Variants in ZNF800 observed in about 807,000 individuals in gnomAD.
ZNF800 encodes the protein zinc finger protein 800.
In ZNF800, 13 loss-of-function variants were observed where a neutral mutation model predicts 59.5. The observed-to-expected ratio is 0.22, with a 90% CI of 0.14 to 0.35. The LOEUF is 0.35. Ranked by LOEUF, ZNF800 falls within the 10% of genes least tolerant of loss-of-function variation. ZNF800 has a pLI of 1.00. For missense variants in ZNF800, 621 were observed against 783.7 expected (o/e 0.79, Z 2.48); for synonymous variants, 266 against 265.7 (o/e 1.00, Z -0.01).
chr7:127,358,373 T>C (rs1055760197), intron 1 of ZNF800, among the ~76,000 whole-genome samples: 3 of 152,008 alleles, frequency 2.0e-5, no homozygotes, highest in African/African-American at 7.2e-5. Flanking sequence ...AACCCGAATT[T>C]ACGTCCTATC....
At chr7:127,387,473 C>A (rs1279664882) in intron 2 of ZNF800, among the ~76,000 whole-genome samples, 1 of 152,188 alleles carries the variant, frequency 6.6e-6, no homozygotes, top group Admixed American at 6.5e-5. Flanking sequence ...CTTAGATTCT[C>A]CTTTATGCTT....
intron 5 of ZNF800, chr7:127,372,799 T>C: frequency 1.0e-6 from 1 of 985,424 alleles, no homozygotes; most frequent in Non-Finnish European, 1.2e-6. Context: ...TGCTAATCAT[T>C]TTTAATTCAA....
chr7:127,386,575 T>C (rs1439778132), intron 2 of ZNF800, among the ~76,000 whole-genome samples: 1 of 152,232 alleles, frequency 6.6e-6, no homozygotes, highest in East Asian at 1.9e-4. Flanking sequence ...CTCTGGATAA[T>C]CTGGTATAAC....
intron 4 of ZNF800, 101 bp from the exon 5 acceptor site, chr7:127,375,135 T>C (rs1800755785): frequency 1.1e-6 from 1 of 932,768 alleles, no homozygotes; most frequent in Admixed American, 2.7e-5. Context: ...GAATATATCA[T>C]ATTACCAGTT....
At chr7:127,386,502 A>G (rs1322462707) in intron 2 of ZNF800, among the ~76,000 whole-genome samples, 3 of 152,230 alleles carry the variant, frequency 2.0e-5, no homozygotes, top group African/African-American at 7.2e-5. Context: ...AGGAACCACT[A>G]TATTTAATCA....
At chr7:127,346,059 G>A (rs1416004998), downstream of ZNF800, among the ~76,000 whole-genome samples, 2 of 152,152 alleles carry the variant, frequency 1.3e-5, no homozygotes, top group Admixed American at 6.5e-5. Flanking sequence ...AAAAGGCAAG[G>A]GGGCTGGGAT....
intron 1 of ZNF800, chr7:127,360,640 T>C (rs1291200379): frequency 2.6e-5 from 4 of 151,988 alleles, no homozygotes; most frequent in Non-Finnish European, 5.9e-5. Flanking sequence ...TTTTTTTTTG[T>C]TAACATGGTA....
rs780801823 is a variant in ZNF800, at chr7:127,377,376, A to G, written c.158-47T>C. On this transcript the variant is annotated intron_variant, in intron 3 of 5. Transcript: ENST00000265827. This position sits in a 1 kb window ranked among gnomAD's most constrained non-coding sequence, Gnocchi z 4.7. ...AAACTTAACACAAAAGGTAACTTTA[A>G]CATGCACTTTTAAACTGGACAACCA... The G allele has an allele frequency of 1.3e-6, 2 of 1,523,768 alleles. No individual in the cohort carries two copies. Among genetic ancestry groups the G allele is most frequent in the South Asian group, 2.4e-5 (2 of 83,194 alleles). 94.4% of individuals were successfully genotyped at this position (1,523,768 alleles called of 1,614,324 possible). A position where few individuals can be genotyped will look rare whatever the true frequency, so the allele number is the denominator to read the frequency against.
intron 1 of ZNF800, chr7:127,363,199 T>C (rs1056246973): frequency 6.6e-6 from 1 of 152,060 alleles, no homozygotes; most frequent in African/African-American, 2.4e-5. Context: ...GACACATTCA[T>C]GTGGAGATGT....
At chr7:127,380,612 C>T (rs1195259472) in intron 3 of ZNF800, among the ~76,000 whole-genome samples, 2 of 152,188 alleles carry the variant, frequency 1.3e-5, no homozygotes, top group Admixed American at 1.3e-4. Flanking sequence ...TGCTCACTTA[C>T]AATTGGACAC....
chr7:127,369,508 TAAG>T (rs1274178343), downstream of ZNF800, among the ~76,000 whole-genome samples: 1 of 152,154 alleles, frequency 6.6e-6, no homozygotes, highest in Non-Finnish European at 1.5e-5. Context: ...CAGAAAGGAA[TAAG>T]AAGAACAATA....
Position 127,392,257 on chromosome 7 carries a change from A to C in ZNF800, c.-256T>G, listed in dbSNP as rs1352496267. On this transcript the variant is annotated 5_prime_UTR_variant, in exon 1 of 6. Transcript: ENST00000265827. The stretch of plus-strand genomic sequence containing the variant: ...CGCTGACGCGGAAGCGCCACAGCTC[A>C]CCACGTCCCTCCGCGGGCCGAGACG... The C allele has an allele frequency of 2.5e-6, 1 of 393,056 alleles. No homozygotes were observed. Among genetic ancestry groups the C allele is most frequent in the East Asian group, 3.6e-5 (1 of 27,696 alleles). The allele number at this position is 393,056 out of a possible 1,614,324, so 24.3% of individuals were successfully genotyped here. A position where few individuals can be genotyped will look rare whatever the true frequency, so the allele number is the denominator to read the frequency against.
At chr7:127,382,164 A>T (rs1800996846) in intron 3 of ZNF800, among the ~76,000 whole-genome samples, 1 of 152,192 alleles carries the variant, frequency 6.6e-6, no homozygotes, top group African/African-American at 2.4e-5. Flanking sequence ...ATATTTCAAG[A>T]ACTTAAAAAG....
chr7:127,358,697 T>C (rs1800331283), intron 1 of ZNF800, among the ~76,000 whole-genome samples: 1 of 152,124 alleles, frequency 6.6e-6, no homozygotes, highest in Admixed American at 6.6e-5. Context: ...ATTATAAGTC[T>C]TTCCTAACTC....
chr7:127,385,368 A>G (rs983188702), intron 3 of ZNF800, among the ~76,000 whole-genome samples: 1 of 152,200 alleles, frequency 6.6e-6, no homozygotes, highest in Non-Finnish European at 1.5e-5. Flanking sequence ...GCAACCTAAC[A>G]TCTTACTGAT....
At chr7:127,383,675 T>G (rs147465767) in intron 3 of ZNF800, among the ~76,000 whole-genome samples, 1 of 152,188 alleles carries the variant, frequency 6.6e-6, no homozygotes, top group South Asian at 2.1e-4. Context: ...CAGTAGACAT[T>G]AGATTAACCA....
chr7:127,392,223 C>A lies in ZNF800; in HGVS notation c.-222G>T. 2.5e-6 allele frequency: 1 copy of A among 394,550 alleles called. No homozygotes were observed. The highest frequency in any genetic ancestry group is 2.1e-5 in the African/African-American group (1 of 48,510). The allele number at this position is 394,550 out of a possible 1,614,324, so 24.4% of individuals were successfully genotyped here. The stretch of plus-strand genomic sequence containing the variant: ...CGGGCCCGACGCGCTCCCAAAGAGT[C>A]CCCGCCGGCGCTGACGCGGAAGCGC... On this transcript the variant is annotated 5_prime_UTR_variant, in exon 1 of 6. Coordinates refer to ENST00000265827, the MANE Select transcript of ZNF800 (RefSeq NM_176814.5).
At chr7:127,373,283 T>A (rs961232177) in intron 5 of ZNF800, 59 bp downstream of exon 5, 2 of 1,524,022 alleles carry the variant, frequency 1.3e-6, no homozygotes, top group Non-Finnish European at 1.8e-6. Flanking sequence ...TATGGTCAAA[T>A]GATTTTTTTT....
intron 3 of ZNF800, among the ~76,000 whole-genome samples, chr7:127,384,730 A>G (rs1377523469): frequency 6.6e-6 from 1 of 152,196 alleles, no homozygotes; most frequent in East Asian, 1.9e-4. Context: ...AAGCTAAAAC[A>G]AACAGACACT....
Sources: gnomAD v4.1 joint callset for allele counts (sites outside exome capture counted in the v4.1 genomes callset) on GRCh38, gnomAD v4.1.1 for gene constraint, Gnocchi (gnomAD v3.1) non-coding constraint, MANE v1.5 for transcripts, NCBI Gene and HGNC (gene_info 2026-07-23, HGNC 2026-07-21) for gene names.